Variants in MRPS9 observed in about 807,000 individuals in gnomAD.
MRPS9 encodes the protein mitochondrial ribosomal protein S9.
In MRPS9, 45 loss-of-function variants were observed where a neutral mutation model predicts 59.9. That is an observed-to-expected ratio of 0.75 (90% confidence interval 0.59 to 0.96). The LOEUF is 0.96. Among genes scored for constraint, MRPS9 ranks in the 40% least tolerant of loss-of-function variants. The pLI is 0.00. For synonymous variants in MRPS9, 171 were observed against 166.8 expected (o/e 1.03, Z -0.19); for missense variants, 473 against 481.1 (o/e 0.98, Z 0.16).
chr2:105,055,971 G>A (rs1679784842), intron 2 of MRPS9, among the ~76,000 whole-genome samples: 1 of 152,112 alleles, frequency 6.6e-6, no homozygotes, highest in Non-Finnish European at 1.5e-5. Flanking sequence ...ATTAAGACTA[G>A]GTGCAGTAGC....
chr2:105,077,554 A>G (rs753367074), intron 4 of MRPS9, among the ~76,000 whole-genome samples: 7 of 152,224 alleles, frequency 4.6e-5, no homozygotes, highest in Admixed American at 2.0e-4. Context: ...CCACACAAAC[A>G]ACCCTATTTC....
chr2:105,066,976 G>T (rs114617755), intron 2 of MRPS9, among the ~76,000 whole-genome samples: 2 of 152,048 alleles, frequency 1.3e-5, no homozygotes, highest in Middle Eastern at 3.4e-3. Flanking sequence ...AAATATAAAC[G>T]CATACCCCCA....
Position 105,088,880 on chromosome 2 carries a change from C to G in MRPS9, c.490-104C>G, listed in dbSNP as rs972873643. 9.8e-6 allele frequency: 6 copies of G among 610,786 alleles called. No individual in the cohort carries two copies. The African/African-American group carries it at 1.1e-4, about 11-fold the overall frequency. 37.8% of individuals were successfully genotyped at this position (610,786 alleles called of 1,614,324 possible). A position where few individuals can be genotyped will look rare whatever the true frequency, so the allele number is the denominator to read the frequency against. On this transcript the variant is annotated intron_variant, in intron 5 of 10. Transcript: ENST00000258455. The stretch of plus-strand genomic sequence containing the variant: ...CAGCTTGATTCTCTGAGGAGGAGGA[C>G]ACCTTAGGAAGTACTTACAGGAGAA...
rs774078996 is a variant in MRPS9, at chr2:105,049,216, G to A, written c.181G>A (p.Val61Ile). 5.0e-6 allele frequency: 8 copies of A among 1,612,400 alleles called. No individual in the cohort carries two copies. The highest frequency in any genetic ancestry group is 1.7e-5 in the Admixed American group (1 of 59,702). ...TGCATTTGTAATACCAAAGAAAAAC[G>A]TTCCTACCTCAAAACGTGAAACTTA... is the stretch of plus-strand genomic sequence containing the variant. ...HTAFVIPKKN[V>I]PTSKRETYTE... The change falls in exon 2 of 11, where the codon GTT becomes ATT. Residue 61 changes from valine (V) to isoleucine (I), a missense_variant. By Grantham distance (29) the Val-to-Ile change is conservative. Coordinates refer to ENST00000258455, the MANE Select transcript of MRPS9 (RefSeq NM_182640.3).
chr2:105,089,437 G>A lies in MRPS9; in HGVS notation c.575+368G>A, dbSNP rs182844226. 3.3e-3 allele frequency among the ~76,000 whole-genome samples: 475 copies of A among 144,970 alleles called. 2 individuals are homozygous for A. The highest frequency in any genetic ancestry group is 0.011 in the African/African-American group (448 of 40,340). On this transcript the variant is annotated intron_variant, in intron 6 of 10. Coordinates refer to ENST00000258455, the MANE Select transcript of MRPS9 (RefSeq NM_182640.3). ...TTTCTGCTTCCATTTGGCAGACAGC[G>A]ATAAGATCAGATCCATCAAACTGAT...
chr2:105,071,276 A>G (rs753797822), intron 2 of MRPS9, 37 bp from the exon 3 acceptor site: 20 of 1,556,688 alleles, frequency 1.3e-5, no homozygotes, highest in African/African-American at 6.8e-5. Flanking sequence ...CCTTGTTTAT[A>G]TAACAGTTGT....
Position 105,097,303 on chromosome 2 carries a change from G to C in MRPS9, c.1078G>C (p.Glu360Gln), listed in dbSNP as rs371609310. The C allele has an allele frequency of 1.9e-6, 3 of 1,608,776 alleles. No individual in the cohort carries two copies. Among genetic ancestry groups the C allele is most frequent in the Non-Finnish European group, 2.5e-6 (3 of 1,177,734 alleles). ...KALCSFVTED[E>Q]VEWMRQAGLL... is the part of the protein sequence containing the mutation. ...CTTGTGCAGCTTTGTCACCGAGGAC[G>C]AGGTCGAGTGGATGAGACAAGGTAT... is the stretch of plus-strand genomic sequence containing the variant. Residue 360 changes from glutamate to glutamine, a missense_variant, in exon 10 of 11, where the codon GAG becomes CAG. Physicochemically the swap from Glu to Gln is conservative, Grantham distance 29. Transcript: ENST00000258455.
At chr2:105,048,351 G>T (rs1679636123) in intron 1 of MRPS9, among the ~76,000 whole-genome samples, 1 of 151,698 alleles carries the variant, frequency 6.6e-6, no homozygotes, top group African/African-American at 2.4e-5. Context: ...GGGGACTGTT[G>T]TGGGATGGGG....
Position 105,093,546 on chromosome 2 carries a change from A to G in MRPS9, c.837A>G (p.Ala279=). 6.3e-7 allele frequency: 1 copy of G among 1,596,010 alleles called. No homozygotes were observed. Among genetic ancestry groups the G allele is most frequent in the Non-Finnish European group, 8.5e-7 (1 of 1,170,740 alleles). The change falls in exon 9 of 11, where the codon GCA becomes GCG. Residue 279 remains alanine, a synonymous_variant. Coordinates refer to ENST00000258455, the MANE Select transcript of MRPS9 (RefSeq NM_182640.3). ...FSKSEGKRKT[A]KAEAIVYKHG... is the part of the protein sequence containing the mutation. ...TTTTTGAAGGTAAAAGAAAGACTGCAAAAGCAGAAGCAATTGTTTATAAAC... is the reference window on the plus strand; with the variant it reads ...TTTTTGAAGGTAAAAGAAAGACTGCGAAAGCAGAAGCAATTGTTTATAAAC...
intron 2 of MRPS9, among the ~76,000 whole-genome samples, chr2:105,056,341 G>A (rs757814943): frequency 1.3e-5 from 2 of 152,068 alleles, no homozygotes; most frequent in Non-Finnish European, 2.9e-5. Flanking sequence ...ACCTTACAGT[G>A]CTTTAGTATT....
intron 4 of MRPS9, among the ~76,000 whole-genome samples, chr2:105,079,266 A>G (rs2104459704): frequency 6.6e-6 from 1 of 152,156 alleles, no homozygotes; most frequent in South Asian, 2.1e-4. Context: ...AATCTGCTTC[A>G]GAGAAACAAC....
intron 2 of MRPS9, among the ~76,000 whole-genome samples, chr2:105,058,427 A>G (rs756168820): frequency 6.6e-6 from 1 of 152,194 alleles, no homozygotes; most frequent in Non-Finnish European, 1.5e-5. Flanking sequence ...CAATTCTTTC[A>G]TACTTTGATT....
rs1236959048 is a variant in MRPS9 at position 105,049,215 on chromosome 2, C to T, written c.180C>T (p.Asn60=). ...CTGCATTTGTAATACCAAAGAAAAA[C>T]GTTCCTACCTCAAAACGTGAAACTT... The part of the protein sequence containing the change: ...RHTAFVIPKK[N]VPTSKRETYT... The change falls in exon 2 of 11, where the codon AAC becomes AAT. Residue 60 remains asparagine, a synonymous_variant. Coordinates refer to ENST00000258455, the MANE Select transcript of MRPS9 (RefSeq NM_182640.3). 17 of 1,612,004 alleles carry T rather than the reference C, an allele frequency of 1.1e-5. No individual in the cohort carries two copies. Among genetic ancestry groups the T allele is most frequent in the Non-Finnish European group, 1.4e-5 (17 of 1,179,148 alleles).
rs755309848 is a variant in MRPS9, at chr2:105,038,114, T to A, written c.22T>A (p.Tyr8Asn). The change falls in exon 1 of 11, where the codon TAC becomes AAC. Residue 8 changes from tyrosine to asparagine, a missense_variant. Physicochemically the swap from Tyr to Asn is moderately radical, Grantham distance 143. Transcript: ENST00000258455. ...TAACATGGCGGCGCCCTGTGTGTCCTACGGCGGAGCAGTTTCGTACCGGCT... is the reference window on the plus strand; with the variant it reads ...TAACATGGCGGCGCCCTGTGTGTCCAACGGCGGAGCAGTTTCGTACCGGCT... Reference protein sequence around the residue: MAAPCVSYGGAVSYRLLL... With the variant: MAAPCVSNGGAVSYRLLL... 1.2e-6 allele frequency: 2 copies of A among 1,613,956 alleles called. No homozygotes were observed. Among genetic ancestry groups the A allele is most frequent in the Admixed American group, 3.3e-5 (2 of 60,020 alleles).
At chr2:105,041,021 A>C (rs1330098599) in intron 1 of MRPS9, among the ~76,000 whole-genome samples, 2 of 152,190 alleles carry the variant, frequency 1.3e-5, no homozygotes, top group East Asian at 1.9e-4. Flanking sequence ...TGGTTATAGC[A>C]TAGGGTTTTG....
In MRPS9 at chr2:105,038,098, G is replaced by C; in HGVS notation, c.6G>C (p.Ala2=). The C allele has an allele frequency of 1.2e-6, 2 of 1,613,758 alleles. No homozygotes were observed. Among genetic ancestry groups the C allele is most frequent in the Non-Finnish European group, 1.7e-6 (2 of 1,179,988 alleles). The change falls in exon 1 of 11, where the codon GCG becomes GCC. Residue 2 remains alanine (A), a synonymous_variant. Coordinates refer to ENST00000258455, the MANE Select transcript of MRPS9 (RefSeq NM_182640.3). The part of the protein sequence containing the change: M[A]APCVSYGGAV... ...CTGGAGCTCCCACAGCTAACATGGC[G>C]GCGCCCTGTGTGTCCTACGGCGGAG...
Position 105,044,495 on chromosome 2 carries a change from T to C in MRPS9, c.136-4676T>C, listed in dbSNP as rs114662227. 5.5e-3 allele frequency among the ~76,000 whole-genome samples: 840 copies of C among 152,350 alleles called. 3 individuals carry two copies. Among genetic ancestry groups the C allele is most frequent in the African/African-American group, 0.019 (806 of 41,582 alleles). On this transcript the variant is annotated intron_variant, in intron 1 of 10. Transcript: ENST00000258455. Reference sequence around the variant, plus strand: ...AATATTATAAATTTCCAGAATGCCATACTCTTAAGCAATGTGTAGAAATGT... The same window carrying C: ...AATATTATAAATTTCCAGAATGCCACACTCTTAAGCAATGTGTAGAAATGT...
At chr2:105,059,381 A>G (rs1679854057) in intron 2 of MRPS9, among the ~76,000 whole-genome samples, 1 of 152,094 alleles carries the variant, frequency 6.6e-6, no homozygotes, top group African/African-American at 2.4e-5. Flanking sequence ...GATGGTGAGG[A>G]TGTTTGAATA....
At chr2:105,086,687 C>T (rs1165017207) in intron 5 of MRPS9, among the ~76,000 whole-genome samples, 1 of 152,230 alleles carries the variant, frequency 6.6e-6, no homozygotes, top group Non-Finnish European at 1.5e-5. Flanking sequence ...GACTTGCACT[C>T]TCTGAACCTC....
Sources: gnomAD v4.1 joint callset for allele counts (sites outside exome capture counted in the v4.1 genomes callset) on GRCh38, gnomAD v4.1.1 for gene constraint, MANE v1.5 for transcripts, NCBI Gene and HGNC (gene_info 2026-07-23, HGNC 2026-07-21) for gene names.